The following DCDC1 variants were observed in gnomAD, a reference collection of about 807,000 sequenced individuals.
DCDC1 encodes doublecortin domain-containing protein 1.
DCDC1 carries 200 observed loss-of-function variants against 178.3 expected under a neutral mutation model. That is an observed-to-expected ratio of 1.12 (90% CI 1.00 to 1.26). The LOEUF (loss-of-function observed/expected upper bound fraction) is 1.26, where lower values mean the gene tolerates loss of function less well. DCDC1 is among the 50% of genes most tolerant of loss of function. The pLI is 0.00. For synonymous variants in DCDC1, 690 were observed against 604.8 expected, an observed-to-expected ratio of 1.14 and a Z score of -2.07; for missense variants, 1,983 against 1,749.2, an observed-to-expected ratio of 1.13 and a Z score of -2.38.
intron 36 of DCDC1, among the ~76,000 whole-genome samples, chr11:30,887,580 T>C (rs1174106712): frequency 6.6e-6 from 1 of 152,230 alleles, no homozygotes; most frequent in Non-Finnish European, 1.5e-5. Context: ...AAGGTATTTG[T>C]TAGTCTTCTA....
Position 30,948,993 on chromosome 11 carries a change from A to C in DCDC1, c.2715+3452T>G, listed in dbSNP as rs163873. Among the ~76,000 whole-genome samples, 626 of 152,370 alleles carry C rather than the reference A, an allele frequency of 4.1e-3. 2 individuals carry two copies. Among genetic ancestry groups the C allele is most frequent in the African/African-American group, 0.015 (609 of 41,584 alleles). ...CCAAAAGCAATGGCAACAAAGCCAAAATAGACAAATGGGATCTAATTAAAC... is the reference window on the plus strand; with the variant it reads ...CCAAAAGCAATGGCAACAAAGCCAACATAGACAAATGGGATCTAATTAAAC... On this transcript the variant is annotated intron_variant, in intron 21 of 38. Coordinates refer to ENST00000684477, the MANE Select transcript of DCDC1 (RefSeq NM_001387274.1).
intron 9 of DCDC1, among the ~76,000 whole-genome samples, chr11:31,221,255 A>T (rs1230173449): frequency 6.6e-6 from 1 of 152,200 alleles, no homozygotes; most frequent in African/African-American, 2.4e-5. Context: ...CCCAAGGTAT[A>T]ATTCAACCTG....
chr11:31,354,282 C>T (rs953050020), intron 1 of DCDC1, among the ~76,000 whole-genome samples: 3 of 152,138 alleles, frequency 2.0e-5, no homozygotes, highest in Admixed American at 2.0e-4. Context: ...GAGACTCTGT[C>T]TCAAAAACAA....
intron 21 of DCDC1, among the ~76,000 whole-genome samples, chr11:30,941,079 A>T (rs1354471531): frequency 6.6e-6 from 1 of 152,188 alleles, no homozygotes; most frequent in Non-Finnish European, 1.5e-5. Flanking sequence ...TATCAGTTAA[A>T]TGTGCTTGCA....
At chr11:31,083,884 T>A (rs1306139048) in intron 17 of DCDC1, among the ~76,000 whole-genome samples, 1 of 152,220 alleles carries the variant, frequency 6.6e-6, no homozygotes, top group Non-Finnish European at 1.5e-5. Flanking sequence ...CTGCAATCCT[T>A]AAAAATGAAG....
At chr11:31,236,286 A>C (rs979737386) in intron 9 of DCDC1, among the ~76,000 whole-genome samples, 3 of 152,024 alleles carry the variant, frequency 2.0e-5, no homozygotes, top group Non-Finnish European at 4.4e-5. Flanking sequence ...AAATTGTCAC[A>C]GTCGATCTCC....
At chr11:31,057,528 A>G (rs1005969541) in intron 20 of DCDC1, among the ~76,000 whole-genome samples, 5 of 152,192 alleles carry the variant, frequency 3.3e-5, no homozygotes, top group African/African-American at 9.6e-5. Context: ...AATGAGTGCA[A>G]TGAAGCTAAA....
intron 21 of DCDC1, among the ~76,000 whole-genome samples, chr11:30,932,684 G>A (rs897271466): frequency 1.3e-5 from 2 of 152,108 alleles, no homozygotes. Flanking sequence ...AGGTGTGATG[G>A]GACCACATAG....
At chr11:31,278,229 T>C (rs978278756) in intron 7 of DCDC1, among the ~76,000 whole-genome samples, 1 of 152,176 alleles carries the variant, frequency 6.6e-6, no homozygotes, top group African/African-American at 2.4e-5. Flanking sequence ...TTTGTTTCTT[T>C]GCCCTTTATG....
rs187464548 is a variant in DCDC1 at position 31,111,158 on chromosome 11, T to C, written c.1486-797A>G. Among the ~76,000 whole-genome samples, 332 of 152,200 alleles carry C rather than the reference T, an allele frequency of 2.2e-3. 1 individual carries two copies. The highest frequency in any genetic ancestry group is 7.6e-3 in the African/African-American group (315 of 41,550). On this transcript the variant is annotated intron_variant, in intron 11 of 38. Transcript: ENST00000684477. The stretch of plus-strand genomic sequence containing the variant: ...AGAGGGGCCTGATGAATAATTTAAA[T>C]CCCTGCTTTTTATTTTTTTTCTCAA...
At chr11:31,025,164 G>A (rs1169062407) in intron 20 of DCDC1, among the ~76,000 whole-genome samples, 1 of 151,692 alleles carries the variant, frequency 6.6e-6, no homozygotes, top group East Asian at 1.9e-4. Context: ...AGAACAACAT[G>A]TACAGAGTAT....
intron 7 of DCDC1, among the ~76,000 whole-genome samples, chr11:31,278,479 A>C (rs1178357296): frequency 3.9e-5 from 6 of 152,150 alleles, no homozygotes; most frequent in Admixed American, 6.6e-5. Context: ...TCACAGAAGC[A>C]GAGAGTAGAA....
intron 11 of DCDC1, among the ~76,000 whole-genome samples, chr11:31,114,556 G>A (rs1959577116): frequency 1.3e-5 from 2 of 152,152 alleles, no homozygotes; most frequent in Non-Finnish European, 2.9e-5. Flanking sequence ...AGATTTAGAG[G>A]TAAAAGAGTT....
intron 36 of DCDC1, among the ~76,000 whole-genome samples, chr11:30,886,415 A>C (rs534269748): frequency 1.4e-4 from 22 of 152,316 alleles, no homozygotes; most frequent in African/African-American, 5.1e-4. Context: ...AGGCTGCCAC[A>C]AACTGGGTGG....
intron 8 of DCDC1, among the ~76,000 whole-genome samples, chr11:31,251,959 G>A (rs1944069090): frequency 6.6e-6 from 1 of 152,122 alleles, no homozygotes; most frequent in Non-Finnish European, 1.5e-5. Context: ...ACCAAATCAT[G>A]AAGGCCATTC....
At chr11:31,290,623 G>C in intron 7 of DCDC1, 24 bp downstream of exon 7, 1 of 1,581,456 alleles carries the variant, frequency 6.3e-7, no homozygotes, top group Non-Finnish European at 8.6e-7. Flanking sequence ...TAAATTCATA[G>C]TTCAATATTT....
chr11:30,925,994 A>G (rs1946565459), intron 22 of DCDC1, among the ~76,000 whole-genome samples: 1 of 152,042 alleles, frequency 6.6e-6, no homozygotes. Flanking sequence ...GCCTTCCCAA[A>G]CAAGCACCGG....
At chr11:31,198,014 G>A (rs904564944) in intron 9 of DCDC1, among the ~76,000 whole-genome samples, 8 of 151,050 alleles carry the variant, frequency 5.3e-5, no homozygotes, top group South Asian at 2.1e-4. Context: ...GTTGTGAATC[G>A]TACAATGTGT....
chr11:31,345,144 G>A (rs1037623161), intron 1 of DCDC1, among the ~76,000 whole-genome samples: 1 of 151,832 alleles, frequency 6.6e-6, no homozygotes, highest in Non-Finnish European at 1.5e-5. Context: ...ATGGTCAAAG[G>A]CCATTTTTTA....
Sources: allele counts gnomAD v4.1 joint callset (sites outside exome capture counted in the v4.1 genomes callset), GRCh38; gene constraint gnomAD v4.1.1; transcripts MANE v1.5; gene names NCBI Gene and HGNC (gene_info 2026-07-23, HGNC 2026-07-21).